WWOX: variants seen among roughly 807,000 people sequenced by gnomAD.
WWOX encodes WW domain-containing oxidoreductase.
Under a neutral mutation model 46.2 loss-of-function variants are expected in WWOX, and 69 were observed. The observed-to-expected ratio is 1.49, with a 90% CI of 1.23 to 1.82. The LOEUF (loss-of-function observed/expected upper bound fraction) is 1.82. WWOX is among the 40% of genes most tolerant of loss of function. The probability of loss-of-function intolerance (pLI) is 0.00; values close to 1 mark genes in which losing one functional copy is unlikely to be tolerated. For missense variants in WWOX, 919 were observed against 542.6 expected, an observed-to-expected ratio of 1.69 and a Z score of -6.89; for synonymous variants, 359 against 202.6, an observed-to-expected ratio of 1.77 and a Z score of -6.56.
At chr16:78,676,537 C>G (rs1482351532) in intron 8 of WWOX, among the ~76,000 whole-genome samples, 4 of 151,956 alleles carry the variant, frequency 2.6e-5, no homozygotes, top group African/African-American at 9.7e-5. Flanking sequence ...AACTCAAAGT[C>G]TACAGTCTAA....
chr16:78,436,824 T>A (rs2083345235), intron 8 of WWOX, among the ~76,000 whole-genome samples: 1 of 152,252 alleles, frequency 6.6e-6, no homozygotes, highest in Admixed American at 6.5e-5. Flanking sequence ...ATCCTGCGTA[T>A]GTGGCTCGGC....
chr16:78,723,401 A>G (rs1479400706), intron 8 of WWOX, among the ~76,000 whole-genome samples: 1 of 152,052 alleles, frequency 6.6e-6, no homozygotes, highest in Non-Finnish European at 1.5e-5. Context: ...AGTGACCACA[A>G]GATGCCCTGA....
chr16:78,810,900 G>C (rs968214727), intron 8 of WWOX, among the ~76,000 whole-genome samples: 3 of 152,238 alleles, frequency 2.0e-5, no homozygotes, highest in Non-Finnish European at 2.9e-5. Flanking sequence ...CAGTAATGCT[G>C]TGTGGACTAT....
At chr16:78,471,180 C>G (rs989147148) in intron 8 of WWOX, among the ~76,000 whole-genome samples, 7 of 152,160 alleles carry the variant, frequency 4.6e-5, no homozygotes, top group East Asian at 1.9e-4. Context: ...AGAACACTGA[C>G]CAATGTTGGC....
chr16:78,610,515 G>A (rs960379703), intron 8 of WWOX, among the ~76,000 whole-genome samples: 3 of 152,096 alleles, frequency 2.0e-5, no homozygotes, highest in Non-Finnish European at 4.4e-5. Flanking sequence ...GTGTTGGGGT[G>A]GGAAGGAAGC....
intron 8 of WWOX, among the ~76,000 whole-genome samples, chr16:78,971,479 GAGAT>G (rs1331615191): frequency 1.2e-4 from 17 of 145,230 alleles, no homozygotes; most frequent in African/African-American, 3.6e-4. Flanking sequence ...AAAAAAGAGA[GAGAT>G]AGGCTGTTTA....
intron 8 of WWOX, among the ~76,000 whole-genome samples, chr16:78,997,277 A>G (rs1342096780): frequency 6.6e-6 from 1 of 152,166 alleles, no homozygotes; most frequent in Non-Finnish European, 1.5e-5. Context: ...GACATGTTAT[A>G]ATATAAGGTC....
chr16:78,371,068 A>G (rs2081671830), intron 5 of WWOX, among the ~76,000 whole-genome samples: 1 of 145,104 alleles, frequency 6.9e-6, no homozygotes, highest in Admixed American at 7.1e-5. Flanking sequence ...TTCATCCTTT[A>G]ATTAGCATTC....
intron 8 of WWOX, among the ~76,000 whole-genome samples, chr16:79,014,231 G>A (rs972321874): frequency 6.6e-6 from 1 of 152,172 alleles, no homozygotes; most frequent in Non-Finnish European, 1.5e-5. Context: ...GGTCATGGGA[G>A]TAGTGGTTAG....
intron 5 of WWOX, among the ~76,000 whole-genome samples, chr16:78,228,149 T>C (rs1033801579): frequency 2.6e-5 from 4 of 151,986 alleles, no homozygotes; most frequent in African/African-American, 9.7e-5. Flanking sequence ...CTTCCAGCCT[T>C]TGCATAGAGA....
chr16:78,726,725 CT>C (rs11318856), intron 8 of WWOX, among the ~76,000 whole-genome samples: 99,282 of 148,140 alleles, frequency 0.67, 34,643 homozygotes, highest in African/African-American at 0.9. Context: ...TGTTTTGTTC[CT>C]TTTTTTTTTT....
intron 8 of WWOX, among the ~76,000 whole-genome samples, chr16:78,779,144 T>C (rs1190283013): frequency 6.6e-6 from 1 of 152,144 alleles, no homozygotes; most frequent in Non-Finnish European, 1.5e-5. Flanking sequence ...GACTCCAACT[T>C]GTCTTTTTTG....
chr16:78,517,764 T>G (rs987692985), intron 8 of WWOX, among the ~76,000 whole-genome samples: 3 of 151,522 alleles, frequency 2.0e-5, no homozygotes, highest in African/African-American at 7.3e-5. Flanking sequence ...CTGTTTACCT[T>G]GGCTTTGAGG....
intron 8 of WWOX, among the ~76,000 whole-genome samples, chr16:78,629,812 G>A (rs2046386589): frequency 6.6e-6 from 1 of 152,140 alleles, no homozygotes. Context: ...TTCCAAAAAA[G>A]TGGATTTTTA....
At chr16:79,164,724 T>C (rs1293526350) in intron 8 of WWOX, among the ~76,000 whole-genome samples, 3 of 152,174 alleles carry the variant, frequency 2.0e-5, no homozygotes, top group African/African-American at 7.2e-5. Flanking sequence ...AGCGATAATT[T>C]ATTCCACTCG....
chr16:78,798,740 A>T (rs1417745626), intron 8 of WWOX, among the ~76,000 whole-genome samples: 2 of 152,212 alleles, frequency 1.3e-5, no homozygotes, highest in Non-Finnish European at 2.9e-5. Context: ...ACAATGATAA[A>T]TGATGTTGTG....
intron 6 of WWOX, among the ~76,000 whole-genome samples, chr16:78,423,249 G>C (rs989620658): frequency 6.6e-6 from 1 of 152,154 alleles, no homozygotes; most frequent in Admixed American, 6.5e-5. Flanking sequence ...TTCTGTGTGT[G>C]TCTGTGTCTG....
chr16:79,207,213 T>G (rs1259068486), intron 8 of WWOX, among the ~76,000 whole-genome samples: 1 of 152,236 alleles, frequency 6.6e-6, no homozygotes, highest in Admixed American at 6.5e-5. Context: ...CTGTTCCTAG[T>G]GGTGTATTCA....
At chr16:79,137,662 C>A (rs1189304015) in intron 8 of WWOX, among the ~76,000 whole-genome samples, 1 of 152,124 alleles carries the variant, frequency 6.6e-6, no homozygotes, top group African/African-American at 2.4e-5. Flanking sequence ...AAGAAATGGG[C>A]TGCTTCTCTT....
Sources: allele counts gnomAD v4.1 joint callset (sites outside exome capture counted in the v4.1 genomes callset), GRCh38; gene constraint gnomAD v4.1.1; transcripts MANE v1.5; gene names NCBI Gene and HGNC (gene_info 2026-07-23, HGNC 2026-07-21).